SLC4A10: variants seen among roughly 807,000 people sequenced by gnomAD.
The protein encoded by SLC4A10 is solute carrier family 4 member 10.
SLC4A10 carries 42 observed loss-of-function variants against 137.7 expected under a neutral mutation model. That is an observed-to-expected ratio of 0.30 (90% CI 0.24 to 0.39). The LOEUF is 0.39. SLC4A10 is among the 10% of genes least tolerant of loss of function. The pLI is 1.00. For synonymous variants in SLC4A10, 474 were observed against 464.1 expected (o/e 1.02, Z -0.27); for missense variants, 925 against 1,355.0 (o/e 0.68, Z 4.98).
intron 23 of SLC4A10, among the ~76,000 whole-genome samples, chr2:161,969,143 A>G (rs1364715933): frequency 1.3e-5 from 2 of 152,204 alleles, no homozygotes; most frequent in Admixed American, 1.3e-4. Flanking sequence ...TGTCCTTTTG[A>G]TGATAGATAC....
intron 23 of SLC4A10, among the ~76,000 whole-genome samples, chr2:161,968,272 T>C (rs2105933022): frequency 6.6e-6 from 1 of 152,328 alleles, no homozygotes; most frequent in African/African-American, 2.4e-5. Flanking sequence ...TGTATGGTAC[T>C]TATATGTGTG....
chr2:161,942,769 A>C lies in SLC4A10; in HGVS notation c.1998-23A>C. 1.9e-6 allele frequency: 3 copies of C among 1,563,144 alleles called. No individual in the cohort carries two copies. The South Asian group carries it at 3.5e-5, about 18-fold the overall frequency. ...TCACAAAAAGCTACTTATTTCACAAAAGACACTATTTTGCCTTTTCAGGTG... is the reference window on the plus strand; with the variant it reads ...TCACAAAAAGCTACTTATTTCACAACAGACACTATTTTGCCTTTTCAGGTG... On this transcript the variant is annotated intron_variant, in intron 15 of 26. Transcript: ENST00000446997.
intron 6 of SLC4A10, among the ~76,000 whole-genome samples, chr2:161,872,080 G>T (rs947763386): frequency 6.6e-6 from 1 of 151,988 alleles, no homozygotes; most frequent in Non-Finnish European, 1.5e-5. Context: ...CTGAAAATAT[G>T]TTTATTTTTT....
intron 3 of SLC4A10, among the ~76,000 whole-genome samples, chr2:161,833,597 T>C (rs2058575701): frequency 1.3e-5 from 2 of 152,244 alleles, no homozygotes; most frequent in African/African-American, 4.8e-5. Context: ...GGGCAGCAGG[T>C]ACATCTATCT....
At chr2:161,751,264 A>T (rs2048935116) in intron 1 of SLC4A10, among the ~76,000 whole-genome samples, 1 of 147,562 alleles carries the variant, frequency 6.8e-6, no homozygotes, top group Non-Finnish European at 1.5e-5. Flanking sequence ...GCCAAGTAGT[A>T]TTTACTGTTG....
intron 2 of SLC4A10, among the ~76,000 whole-genome samples, chr2:161,771,908 C>A (rs2051662963): frequency 1.3e-5 from 2 of 151,668 alleles, no homozygotes. Flanking sequence ...GAGAGAGCTC[C>A]CAATAAACCA....
rs148331505 is a variant in SLC4A10, at chr2:161,959,896, AC to A, written c.2862+1342del. Among the ~76,000 whole-genome samples, 1,090 of 152,262 alleles carry A rather than the reference AC, an allele frequency of 7.2e-3. 4 individuals carry two copies. Among genetic ancestry groups the A allele is most frequent in the Non-Finnish European group, 0.013 (865 of 68,008 alleles). On this transcript the variant is annotated intron_variant, in intron 21 of 26. Transcript: ENST00000446997. ...TCTTCCCACGTATTTCTTTGATGATACTGTTATTGGTTGAATAGTGAGTGTT... is the reference window on the plus strand; with the variant it reads ...TCTTCCCACGTATTTCTTTGATGATATGTTATTGGTTGAATAGTGAGTGTT...
intron 12 of SLC4A10, among the ~76,000 whole-genome samples, chr2:161,901,543 G>C (rs1028381982): frequency 3.3e-5 from 5 of 152,082 alleles, no homozygotes; most frequent in Admixed American, 2.6e-4. Context: ...TTGACAGCTT[G>C]TCTCTCTCTA....
intron 3 of SLC4A10, among the ~76,000 whole-genome samples, chr2:161,834,735 C>A (rs1013580421): frequency 1.3e-5 from 2 of 151,592 alleles, no homozygotes; most frequent in Non-Finnish European, 2.9e-5. Flanking sequence ...TCTTCTTTAC[C>A]CCTCTTTCTA....
chr2:161,688,430 T>C (rs1351007461), intron 1 of SLC4A10, among the ~76,000 whole-genome samples: 1 of 152,196 alleles, frequency 6.6e-6, no homozygotes, highest in Non-Finnish European at 1.5e-5. Flanking sequence ...AAATGGAGTC[T>C]AAATACATCT....
chr2:161,624,970 CT>C (rs1558886565), intron 1 of SLC4A10, among the ~76,000 whole-genome samples: 1 of 152,008 alleles, frequency 6.6e-6, no homozygotes, highest in Non-Finnish European at 1.5e-5. Flanking sequence ...TTTCCTCCCC[CT>C]GCCTCATCCC....
intron 4 of SLC4A10, among the ~76,000 whole-genome samples, chr2:161,841,362 A>T (rs745679629): frequency 2.6e-5 from 4 of 152,078 alleles, no homozygotes; most frequent in Admixed American, 6.6e-5. Flanking sequence ...GCAGGTGTGA[A>T]CCACCATGCC....
chr2:161,797,102 A>G (rs2054851748), intron 2 of SLC4A10, among the ~76,000 whole-genome samples: 1 of 152,154 alleles, frequency 6.6e-6, no homozygotes, highest in African/African-American at 2.4e-5. Context: ...CTTGCAAATT[A>G]AAACAAAATG....
intron 2 of SLC4A10, among the ~76,000 whole-genome samples, chr2:161,789,405 C>A (rs1245169261): frequency 6.6e-6 from 1 of 152,054 alleles, no homozygotes; most frequent in Non-Finnish European, 1.5e-5. Context: ...TTCCCATGGG[C>A]TCTCTGAAAG....
intron 21 of SLC4A10, among the ~76,000 whole-genome samples, chr2:161,960,729 G>GAAA (rs113428226): frequency 3.0e-5 from 4 of 132,858 alleles, no homozygotes; most frequent in Non-Finnish European, 6.6e-5. Context: ...CAAAAAAAAA[G>GAAA]AAAAAAAAAA....
intron 1 of SLC4A10, among the ~76,000 whole-genome samples, chr2:161,659,159 T>C (rs1250704866): frequency 6.6e-6 from 1 of 152,204 alleles, no homozygotes; most frequent in Non-Finnish European, 1.5e-5. Flanking sequence ...AATCTGTGTG[T>C]CCATCTTTGG....
intron 15 of SLC4A10, among the ~76,000 whole-genome samples, chr2:161,916,699 A>C (rs575736298): frequency 6.6e-6 from 1 of 152,204 alleles, no homozygotes; most frequent in South Asian, 2.1e-4. Context: ...TTCTGTAAAC[A>C]CATTTGGCAT....
At chr2:161,689,384 C>T (rs1225706506) in intron 1 of SLC4A10, among the ~76,000 whole-genome samples, 1 of 152,030 alleles carries the variant, frequency 6.6e-6, no homozygotes, top group Non-Finnish European at 1.5e-5. Flanking sequence ...TTTACTGTAC[C>T]TTTTTAATGA....
At chr2:161,737,977 CA>C (rs2047516056) in intron 1 of SLC4A10, among the ~76,000 whole-genome samples, 1 of 152,178 alleles carries the variant, frequency 6.6e-6, no homozygotes, top group Admixed American at 6.5e-5. Context: ...CCTAGTCAGA[CA>C]TTTGAGGCCT....
Sources: allele counts gnomAD v4.1 joint callset (sites outside exome capture counted in the v4.1 genomes callset), GRCh38; gene constraint gnomAD v4.1.1; transcripts MANE v1.5; gene names NCBI Gene and HGNC (gene_info 2026-07-23, HGNC 2026-07-21).